The following MCTP1 variants were observed in gnomAD, a reference collection of about 807,000 sequenced individuals.
MCTP1 encodes the protein multiple C2 and transmembrane domain containing 1.
In MCTP1, 69 loss-of-function variants were observed where a neutral mutation model predicts 120.6. The ratio of observed to expected loss-of-function variants is 0.57; its 90% CI spans 0.47 to 0.70. MCTP1 has a LOEUF of 0.70. Among genes scored for constraint, MCTP1 ranks in the 30% least tolerant of loss-of-function variants. The pLI, the probability that MCTP1 is intolerant of heterozygous loss-of-function variation, is 0.00. For synonymous variants in MCTP1, 529 were observed against 493.1 expected, an observed-to-expected ratio of 1.07 and a Z score of -0.96; for missense variants, 1,203 against 1,248.8, an observed-to-expected ratio of 0.96 and a Z score of 0.55.
At chr5:94,837,915 C>A (rs1223056698) in intron 17 of MCTP1, among the ~76,000 whole-genome samples, 1 of 152,184 alleles carries the variant, frequency 6.6e-6, no homozygotes, top group Non-Finnish European at 1.5e-5. Context: ...TGAGGAACTG[C>A]TCTTGGACAG....
rs10526286 is a variant in MCTP1, at chr5:94,819,078, AATTTATTTATTTATTT to A, written c.2437-19962_2437-19947del. On this transcript the variant is annotated intron_variant, in intron 17 of 22. Coordinates refer to ENST00000515393, the MANE Select transcript of MCTP1 (RefSeq NM_024717.7). ...ACATAAAGCAAGATAAACTACTTCA[AATTTATTTATTTATTT>A]ATTTATTTATTTATTTATTTATTTA... Among the ~76,000 whole-genome samples, 58 of 140,312 alleles carry A rather than the reference AATTTATTTATTTATTT, an allele frequency of 4.1e-4. 2 individuals are homozygous for A. Among genetic ancestry groups the A allele is most frequent in the South Asian group, 1.9e-3 (8 of 4,318 alleles). The allele number at this position is 140,312 out of a possible 152,430, so 92.1% of individuals were successfully genotyped here.
rs151017589 is a variant in MCTP1, at chr5:94,945,081, G to A, written c.982-2654C>T. On this transcript the variant is annotated intron_variant, in intron 3 of 22. Coordinates refer to ENST00000515393, the MANE Select transcript of MCTP1 (RefSeq NM_024717.7). ...GAAGACACGAGATTCAAATCTTGTT[G>A]TATTGAGTGTCATAAACAGAGTGTG... Among the ~76,000 whole-genome samples, 13 of 152,208 alleles carry A rather than the reference G, an allele frequency of 8.5e-5. No homozygotes were observed. The East Asian group carries it at 2.5e-3, about 29-fold the overall frequency.
At chr5:95,097,144 A>G (rs951547228) in intron 1 of MCTP1, among the ~76,000 whole-genome samples, 5 of 152,186 alleles carry the variant, frequency 3.3e-5, no homozygotes, top group Non-Finnish European at 7.3e-5. Context: ...ACTGCCTATG[A>G]TATCAATTCT....
chr5:95,109,068 A>T (rs1025757178), intron 1 of MCTP1, among the ~76,000 whole-genome samples: 2 of 152,216 alleles, frequency 1.3e-5, no homozygotes, highest in African/African-American at 4.8e-5. Flanking sequence ...TGCATTTACA[A>T]GTTTACCAAG....
intron 4 of MCTP1, among the ~76,000 whole-genome samples, chr5:94,941,177 C>A (rs2153505343): frequency 6.6e-6 from 1 of 152,022 alleles, no homozygotes; most frequent in African/African-American, 2.4e-5. Context: ...CACTTGATAT[C>A]CTTATGCAGA....
intron 1 of MCTP1, among the ~76,000 whole-genome samples, chr5:95,151,853 G>A (rs1328030068): frequency 6.6e-6 from 1 of 152,058 alleles, no homozygotes; most frequent in Non-Finnish European, 1.5e-5. Flanking sequence ...AAAGAAGCCG[G>A]CACTCCCAAA....
At chr5:95,211,045 C>T (rs1236257210) in intron 1 of MCTP1, among the ~76,000 whole-genome samples, 5 of 152,124 alleles carry the variant, frequency 3.3e-5, no homozygotes, top group Admixed American at 1.3e-4. Flanking sequence ...GAGAGATCCA[C>T]TGTTAGTCTG....
chr5:94,958,335 G>A (rs159010), intron 2 of MCTP1, among the ~76,000 whole-genome samples: 126,441 of 152,038 alleles, frequency 0.83, 53,120 homozygotes, highest in African/African-American at 0.94. Flanking sequence ...TAAAATTGAC[G>A]CCCTAACATC....
intron 1 of MCTP1, among the ~76,000 whole-genome samples, chr5:95,112,351 A>C (rs1196170380): frequency 6.6e-6 from 1 of 152,204 alleles, no homozygotes. Flanking sequence ...TGTGCTTAAA[A>C]CTTTCCATGG....
intron 1 of MCTP1, among the ~76,000 whole-genome samples, chr5:95,186,263 AAAAAAAAAG>A (rs935918363): frequency 1.4e-5 from 2 of 141,610 alleles, no homozygotes; most frequent in African/African-American, 5.2e-5. Flanking sequence ...GAATCTACCA[AAAAAAAAAG>A]AAAAAAAAGA....
chr5:95,242,914 T>G (rs1263596081), intron 1 of MCTP1, among the ~76,000 whole-genome samples: 1 of 152,210 alleles, frequency 6.6e-6, no homozygotes, highest in East Asian at 1.9e-4. Flanking sequence ...AATAAACCTG[T>G]TTTTAAAAAC....
At chr5:95,207,937 G>C (rs1240846774) in intron 1 of MCTP1, among the ~76,000 whole-genome samples, 1 of 134,132 alleles carries the variant, frequency 7.5e-6, no homozygotes, top group Non-Finnish European at 1.6e-5. Context: ...GCGAGAGAGA[G>C]AGAGAGAGAG....
In MCTP1 at chr5:94,707,512, T is replaced by C; in HGVS notation, c.2984A>G (p.Lys995Arg). 6.2e-7 allele frequency: 1 copy of C among 1,611,850 alleles called. No homozygotes were observed. The highest frequency in any genetic ancestry group is 8.5e-7 in the Non-Finnish European group (1 of 1,178,444). Residue 995 changes from lysine (K) to arginine (R), a missense_variant, in exon 23 of 23, where the codon AAA becomes AGA. Around this residue, in one of 2 missense-constraint regions of MCTP1, gnomAD observed 740 missense variants for 871.1 expected, o/e 0.85. Coordinates refer to ENST00000515393, the MANE Select transcript of MCTP1 (RefSeq NM_024717.7). Reference sequence around the variant, plus strand: ...GGGAGCTGGCTAGCCAAGATTGTTTTTCTTTCTTTTATATGGGCTATGAGA... The same window carrying C: ...GGGAGCTGGCTAGCCAAGATTGTTTCTCTTTCTTTTATATGGGCTATGAGA... ...DPSHSPYKRK[K>R]NNLG
intron 1 of MCTP1, among the ~76,000 whole-genome samples, chr5:95,059,632 G>A (rs182414467): frequency 3.3e-5 from 5 of 152,174 alleles, no homozygotes; most frequent in East Asian, 1.9e-4. Context: ...TGAAATGTAC[G>A]TAGAAATCTC....
chr5:95,208,016 A>T (rs1324399501), intron 1 of MCTP1, among the ~76,000 whole-genome samples: 2 of 139,482 alleles, frequency 1.4e-5, no homozygotes, highest in African/African-American at 5.2e-5. Flanking sequence ...AGGGAGAGAG[A>T]GGGAGAGAGA....
intron 19 of MCTP1, among the ~76,000 whole-genome samples, chr5:94,738,113 A>G (rs935623868): frequency 6.6e-6 from 1 of 152,254 alleles, no homozygotes; most frequent in African/African-American, 2.4e-5. Flanking sequence ...TTAAAACAGT[A>G]TGTTCTGCTA....
At chr5:94,767,306 C>T (rs1477031732) in intron 19 of MCTP1, among the ~76,000 whole-genome samples, 1 of 152,088 alleles carries the variant, frequency 6.6e-6, no homozygotes, top group Non-Finnish European at 1.5e-5. Context: ...CCCACAGCTA[C>T]TACATGGAAT....
chr5:95,243,509 G>A (rs1756402403), intron 1 of MCTP1, among the ~76,000 whole-genome samples: 1 of 152,216 alleles, frequency 6.6e-6, no homozygotes. Flanking sequence ...GTAGGAGCCA[G>A]ACCACAAAGG....
intron 1 of MCTP1, among the ~76,000 whole-genome samples, chr5:95,166,380 A>T (rs1392334431): frequency 6.6e-6 from 1 of 152,194 alleles, no homozygotes; most frequent in African/African-American, 2.4e-5. Context: ...ATAAAAATGC[A>T]GGTAAGTGTA....
Sources: allele counts gnomAD v4.1 joint callset (sites outside exome capture counted in the v4.1 genomes callset), GRCh38; gene constraint gnomAD v4.1.1; regional missense constraint gnomAD v4.1.1; transcripts MANE v1.5; gene names NCBI Gene and HGNC (gene_info 2026-07-23, HGNC 2026-07-21).